Variants in ZFAND3 observed in about 807,000 individuals in gnomAD.
ZFAND3 encodes the protein AN1-type zinc finger protein 3.
A neutral mutation model predicts 29.6 loss-of-function variants in ZFAND3; 10 were observed. The observed-to-expected ratio is 0.34, with a 90% CI of 0.21 to 0.57. ZFAND3 has a LOEUF of 0.57. Ranked by LOEUF, ZFAND3 falls within the 20% of genes least tolerant of loss-of-function variation. ZFAND3 has a pLI of 0.86. For synonymous variants in ZFAND3, 128 were observed against 112.6 expected (o/e 1.14, Z -0.87); for missense variants, 230 against 304.5 (o/e 0.76, Z 1.82).
chr6:37,896,630 TTGCCTTCC>T (rs924536974), intron 1 of ZFAND3, among the ~76,000 whole-genome samples: 24 of 147,836 alleles, frequency 1.6e-4, no homozygotes, highest in African/African-American at 3.2e-4. Context: ...TCTTTCTTTC[TTGCCTTCC>T]TGCCTTCCTG....
At chr6:38,073,917 A>C (rs1764504318) in intron 3 of ZFAND3, among the ~76,000 whole-genome samples, 2 of 152,200 alleles carry the variant, frequency 1.3e-5, no homozygotes, top group South Asian at 4.1e-4. Flanking sequence ...AGCTTATTCC[A>C]CTATCCCTTA....
At position 37,997,640 on chromosome 6, in the gene ZFAND3, C is replaced by T. The variant is rs145472067; in HGVS notation, c.113-63953C>T. ...AGCACTGTGAAGCACTTCTGTGGTC[C>T]CTTGTGCTCCTGGGTGAATTAACTG... is the stretch of plus-strand genomic sequence containing the variant. On this transcript the variant is annotated intron_variant, in intron 2 of 5. Coordinates refer to ENST00000287218, the MANE Select transcript of ZFAND3 (RefSeq NM_021943.3). 7.9e-3 allele frequency among the ~76,000 whole-genome samples: 1,200 copies of T among 152,236 alleles called. 8 individuals are homozygous for T. Among genetic ancestry groups the T allele is most frequent in the Non-Finnish European group, 0.013 (873 of 68,004 alleles).
chr6:37,925,497 G>A (rs1260383896), intron 1 of ZFAND3, among the ~76,000 whole-genome samples: 1 of 152,184 alleles, frequency 6.6e-6, no homozygotes, highest in Non-Finnish European at 1.5e-5. Flanking sequence ...GAGGTCAGGA[G>A]TTTGAGAGCA....
intron 2 of ZFAND3, among the ~76,000 whole-genome samples, chr6:38,044,378 A>G (rs902394888): frequency 6.0e-5 from 9 of 151,200 alleles, no homozygotes; most frequent in Non-Finnish European, 1.3e-4. Context: ...TAACACTCTT[A>G]CTTTTTTTTT....
chr6:37,921,506 A>T (rs1413782204), intron 1 of ZFAND3, among the ~76,000 whole-genome samples: 1 of 151,992 alleles, frequency 6.6e-6, no homozygotes, highest in Non-Finnish European at 1.5e-5. Context: ...ATATTAAAAT[A>T]GTTTTTTGCA....
chr6:37,904,336 T>G (rs1024450725), intron 1 of ZFAND3, among the ~76,000 whole-genome samples: 1 of 152,226 alleles, frequency 6.6e-6, no homozygotes, highest in Non-Finnish European at 1.5e-5. Context: ...TAGCTCATTT[T>G]ATATTTGCTA....
chr6:38,129,532 C>T (rs536079649), intron 5 of ZFAND3, among the ~76,000 whole-genome samples: 1 of 152,224 alleles, frequency 6.6e-6, no homozygotes, highest in African/African-American at 2.4e-5. Context: ...GTTTCATTCT[C>T]CTACATGTGG....
At chr6:37,936,439 A>G (rs1355798667) in intron 2 of ZFAND3, among the ~76,000 whole-genome samples, 2 of 152,242 alleles carry the variant, frequency 1.3e-5, no homozygotes, top group Admixed American at 6.5e-5. Flanking sequence ...GATGCTTATC[A>G]TAAGGCAAAC....
chr6:38,051,746 C>T (rs972273898), intron 2 of ZFAND3, among the ~76,000 whole-genome samples: 1 of 152,138 alleles, frequency 6.6e-6, no homozygotes, highest in South Asian at 2.1e-4. Flanking sequence ...TAGATTAATG[C>T]CACAATATTC....
intron 2 of ZFAND3, among the ~76,000 whole-genome samples, chr6:37,953,441 CT>C (rs35182018): frequency 0.31 from 33,167 of 105,716 alleles, 3,706 homozygotes; most frequent in Non-Finnish European, 0.38. Flanking sequence ...GCATAATTAT[CT>C]TTTTTTTTTT....
At chr6:37,887,551 A>G (rs926524423) in intron 1 of ZFAND3, among the ~76,000 whole-genome samples, 1 of 152,210 alleles carries the variant, frequency 6.6e-6, no homozygotes, top group Non-Finnish European at 1.5e-5. Context: ...GTATTCCCTG[A>G]TGGGAAGAAT....
At chr6:37,923,018 A>AT (rs1411942269) in intron 1 of ZFAND3, among the ~76,000 whole-genome samples, 1 of 152,242 alleles carries the variant, frequency 6.6e-6, no homozygotes, top group Non-Finnish European at 1.5e-5. Flanking sequence ...CTTTAAAAAA[A>AT]TTTTAAACTG....
chr6:37,848,227 A>G (rs1277872478), intron 1 of ZFAND3, among the ~76,000 whole-genome samples: 2 of 152,242 alleles, frequency 1.3e-5, no homozygotes, highest in African/African-American at 4.8e-5. Context: ...TTTTGTTCTA[A>G]CATGCTGAGT....
chr6:37,950,803 A>G (rs1244338177), intron 2 of ZFAND3, among the ~76,000 whole-genome samples: 1 of 152,178 alleles, frequency 6.6e-6, no homozygotes, highest in Non-Finnish European at 1.5e-5. Context: ...GGGTAATGTG[A>G]TGCCTCCAAC....
chr6:38,144,184 A>ATT (rs66561715), intron 5 of ZFAND3, among the ~76,000 whole-genome samples: 5 of 42,542 alleles, frequency 1.2e-4, no homozygotes, highest in African/African-American at 5.1e-4. Context: ...ATATATATAT[A>ATT]ATATATATAT....
chr6:38,071,160 C>T (rs976341092), intron 3 of ZFAND3, among the ~76,000 whole-genome samples: 2 of 151,278 alleles, frequency 1.3e-5, no homozygotes, highest in Non-Finnish European at 3.0e-5. Flanking sequence ...CATATATTGC[C>T]AGTTTCTTTT....
At chr6:37,952,085 T>C (rs1762008560) in intron 2 of ZFAND3, among the ~76,000 whole-genome samples, 1 of 152,232 alleles carries the variant, frequency 6.6e-6, no homozygotes, top group African/African-American at 2.4e-5. Context: ...CTTTATGATA[T>C]GCAGCTGGAT....
chr6:37,900,318 A>G (rs970350106), intron 1 of ZFAND3, among the ~76,000 whole-genome samples: 4 of 152,070 alleles, frequency 2.6e-5, no homozygotes, highest in Non-Finnish European at 4.4e-5. Context: ...CTCTTTCAGT[A>G]CTCTTGAGAA....
chr6:38,129,627 C>CT (rs1477843520), intron 5 of ZFAND3, among the ~76,000 whole-genome samples: 1 of 152,024 alleles, frequency 6.6e-6, no homozygotes. Context: ...TCAGTTGACT[C>CT]TAAGTATTCG....
Sources: allele counts gnomAD v4.1 joint callset (sites outside exome capture counted in the v4.1 genomes callset), GRCh38; gene constraint gnomAD v4.1.1; transcripts MANE v1.5; gene names NCBI Gene and HGNC (gene_info 2026-07-23, HGNC 2026-07-21).